The following SYCP2L variants were observed in gnomAD, a reference collection of about 807,000 sequenced individuals.
SYCP2L encodes the protein synaptonemal complex protein 2-like.
In SYCP2L, 98 loss-of-function variants were observed where a neutral mutation model predicts 125.8. The observed-to-expected ratio is 0.78, with a 90% CI of 0.66 to 0.92. The LOEUF (loss-of-function observed/expected upper bound fraction) is 0.92. SYCP2L is among the 40% of genes least tolerant of loss of function. The probability of loss-of-function intolerance (pLI) is 0.00; values close to 1 mark genes in which losing one functional copy is unlikely to be tolerated. For missense variants in SYCP2L, 842 were observed against 936.4 expected (o/e 0.90, Z 1.32); for synonymous variants, 317 against 325.4 (o/e 0.97, Z 0.28).
chr6:10,924,570 A>T lies in SYCP2L; in HGVS notation c.1147A>T (p.Ile383Leu). 2 of 1,606,214 alleles carry T rather than the reference A, an allele frequency of 1.2e-6. No homozygotes were observed. Among genetic ancestry groups the T allele is most frequent in the Non-Finnish European group, 1.7e-6 (2 of 1,178,034 alleles). ...MIISYKEVMKIEIHFDLQFNI... is the reference protein window; with the variant it reads ...MIISYKEVMKLEIHFDLQFNI... ...TATCAGCTACAAAGAAGTCATGAAA[A>T]TAGAAATCCATTTTGATTTGCAGTT... The change falls in exon 15 of 30, where the codon ATA becomes TTA. Residue 383 changes from isoleucine (I) to leucine (L), a missense_variant. By Grantham distance (5) the Ile-to-Leu change is conservative (BLOSUM62 2). Transcript: ENST00000283141.
chr6:10,968,875 G>A lies in SYCP2L; in HGVS notation c.*37+5032G>A, dbSNP rs536943484. Among the ~76,000 whole-genome samples, 4 of 152,314 alleles carry A rather than the reference G, an allele frequency of 2.6e-5. No individual in the cohort carries two copies. The South Asian group carries it at 8.3e-4, about 32-fold the overall frequency. Reference sequence around the variant, plus strand: ...GCTTATAGTTATCTCTGAGAGCCCTGTGTTCTGCTGAATGGTCCATCAGCT... The same window carrying A: ...GCTTATAGTTATCTCTGAGAGCCCTATGTTCTGCTGAATGGTCCATCAGCT... On this transcript the variant is annotated intron_variant, in intron 29 of 29. Transcript: ENST00000283141.
chr6:10,904,622 C>T (rs1044258375), intron 8 of SYCP2L, among the ~76,000 whole-genome samples: 2 of 152,188 alleles, frequency 1.3e-5, no homozygotes, highest in East Asian at 3.8e-4. Flanking sequence ...TTTGAACACA[C>T]TACCTTATTG....
chr6:10,914,619 C>G (rs1780659528), intron 14 of SYCP2L, among the ~76,000 whole-genome samples: 1 of 148,220 alleles, frequency 6.7e-6, no homozygotes. Flanking sequence ...ATTGATTTTA[C>G]CCATCCATGA....
chr6:10,905,273 A>T (rs1780466925), intron 8 of SYCP2L, among the ~76,000 whole-genome samples: 1 of 151,660 alleles, frequency 6.6e-6, no homozygotes, highest in African/African-American at 2.4e-5. Flanking sequence ...ATTCTATTAC[A>T]TCTCTAAATT....
intron 1 of SYCP2L, among the ~76,000 whole-genome samples, chr6:10,890,301 A>T (rs1236896711): frequency 6.6e-6 from 1 of 152,174 alleles, no homozygotes; most frequent in South Asian, 2.1e-4. Context: ...GTCTATACTA[A>T]TTTACATTCC....
At position 10,887,066 on chromosome 6, in the gene SYCP2L, G is replaced by C. The variant is rs546329116; in HGVS notation, c.-61G>C. The stretch of plus-strand genomic sequence containing the variant: ...GGCTCTTGGGCGGGGAAGCAGGAGA[G>C]GGCCGACCGAGCGCAACAAAGCTGA... On this transcript the variant is annotated 5_prime_UTR_variant, in exon 1 of 30. Coordinates refer to ENST00000283141, the MANE Select transcript of SYCP2L (RefSeq NM_001040274.3). 3 of 1,612,226 alleles carry C rather than the reference G, an allele frequency of 1.9e-6. No individual in the cohort carries two copies. The African/African-American group carries it at 4.0e-5, about 21-fold the overall frequency.
At chr6:10,889,149 TGC>T (rs1780134250) in intron 1 of SYCP2L, among the ~76,000 whole-genome samples, 1 of 152,152 alleles carries the variant, frequency 6.6e-6, no homozygotes, top group South Asian at 2.1e-4. Context: ...CGTGAGCCAC[TGC>T]GCCTGGCCTA....
rs956944953 is a variant in SYCP2L, at chr6:10,906,051, G to A, written c.673G>A (p.Gly225Ser). 6.3e-7 allele frequency: 1 copy of A among 1,594,786 alleles called. No individual in the cohort carries two copies. The highest frequency in any genetic ancestry group is 8.6e-7 in the Non-Finnish European group (1 of 1,164,538). ...KDLARTLLTVGDYDQQVAISE... is the reference protein window; with the variant it reads ...KDLARTLLTVSDYDQQVAISE... ...CCTTGCAAGGACACTCTTGACTGTGGGTGGTAAGAAATTTTAGAATTTTCA... is the reference window on the plus strand; with the variant it reads ...CCTTGCAAGGACACTCTTGACTGTGAGTGGTAAGAAATTTTAGAATTTTCA... Residue 225 changes from glycine (G) to serine (S), a missense_variant, in exon 9 of 30, where the codon GGT becomes AGT. Gly to Ser is a moderately conservative substitution (Grantham distance 56). Transcript: ENST00000283141.
In SYCP2L at chr6:10,924,586, A is replaced by C; in HGVS notation, c.1163A>C (p.Asp388Ala). ...GTCATGAAAATAGAAATCCATTTTG[A>C]TTTGCAGTTCAACATATCACAAGTT... ...KEVMKIEIHF[D>A]LQFNISQVSI... Residue 388 changes from aspartate to alanine, a missense_variant, in exon 15 of 30, where the codon GAT becomes GCT. Physicochemically the swap from Asp to Ala is moderately radical, Grantham distance 126 (BLOSUM62 -2). Transcript: ENST00000283141. 1 of 1,606,498 alleles carries C rather than the reference A, an allele frequency of 6.2e-7. No individual in the cohort carries two copies. Among genetic ancestry groups the C allele is most frequent in the Non-Finnish European group, 8.5e-7 (1 of 1,178,112 alleles).
At chr6:10,908,257 G>T (rs989133873) in intron 10 of SYCP2L, among the ~76,000 whole-genome samples, 1 of 152,222 alleles carries the variant, frequency 6.6e-6, no homozygotes, top group Non-Finnish European at 1.5e-5. Context: ...TCTTGGAAGG[G>T]TGAGCAATTT....
intron 15 of SYCP2L, among the ~76,000 whole-genome samples, 160 bp from the exon 16 acceptor site, chr6:10,926,179 C>T (rs12154143): frequency 0.043 from 6,600 of 152,212 alleles, 219 homozygotes; most frequent in Non-Finnish European, 0.069. Flanking sequence ...CCTGGAGAAG[C>T]CAGAAACAGT....
rs776483524 is a variant in SYCP2L at position 10,910,167 on chromosome 6, A to G, written c.839A>G (p.Asn280Ser). 4 of 1,613,722 alleles carry G rather than the reference A, an allele frequency of 2.5e-6. No homozygotes were observed. The highest frequency in any genetic ancestry group is 2.7e-5 in the African/African-American group (2 of 74,902). Residue 280 changes from asparagine to serine, a missense_variant, in exon 11 of 30, where the codon AAT becomes AGT. Transcript: ENST00000283141. ...TTGAAGGACAGTAGACGTTTTCTCA[A>G]TCACCTAAACAACAGACTTGGTGAC... ...EFETDSRRFLNHLNNRLGDQR... is the reference protein window; with the variant it reads ...EFETDSRRFLSHLNNRLGDQR...
At chr6:10,944,464 T>C (rs1018870489) in intron 23 of SYCP2L, among the ~76,000 whole-genome samples, 2 of 152,168 alleles carry the variant, frequency 1.3e-5, no homozygotes, top group African/African-American at 4.8e-5. Context: ...GGTCTGTACT[T>C]CTCTCTCTGT....
At chr6:10,942,062 C>T (rs1488252033) in intron 21 of SYCP2L, among the ~76,000 whole-genome samples, 1 of 135,416 alleles carries the variant, frequency 7.4e-6, no homozygotes, top group Non-Finnish European at 1.6e-5. Context: ...ATGAAAAACA[C>T]CACATGTTCT....
At chr6:10,926,573 A>T in intron 16 of SYCP2L, 141 bp downstream of exon 16, 1 of 618,550 alleles carries the variant, frequency 1.6e-6, no homozygotes, top group East Asian at 2.9e-5. Flanking sequence ...AGAGTTGCTG[A>T]TAGCCTTGAA....
At chr6:10,958,964 G>A (rs1005414394) in intron 26 of SYCP2L, 89 bp downstream of exon 26, 1 of 1,115,404 alleles carries the variant, frequency 9.0e-7, no homozygotes, top group African/African-American at 1.6e-5. Context: ...GGGCCCTGAG[G>A]AGTTGGGGCC....
intron 29 of SYCP2L, among the ~76,000 whole-genome samples, chr6:10,972,439 G>T (rs1781790025): frequency 6.6e-6 from 1 of 152,222 alleles, no homozygotes; most frequent in South Asian, 2.1e-4. Context: ...ACCAAATAGG[G>T]CTTTTACTTT....
intron 23 of SYCP2L, among the ~76,000 whole-genome samples, chr6:10,943,404 A>G (rs1325880341): frequency 6.6e-6 from 1 of 152,228 alleles, no homozygotes; most frequent in Non-Finnish European, 1.5e-5. Flanking sequence ...TTTTAGGAAT[A>G]TAACATTACT....
rs1000630775 is a variant in SYCP2L, at chr6:10,963,696, C to G, written c.2415-86C>G. ...TAATATAATGGTCTGTGAAATAACT[C>G]TGATATGCAGATGTATCTAGATGTA... is the stretch of plus-strand genomic sequence containing the variant. On this transcript the variant is annotated intron_variant, in intron 28 of 29. Coordinates refer to ENST00000283141, the MANE Select transcript of SYCP2L (RefSeq NM_001040274.3). 1.0e-5 allele frequency: 14 copies of G among 1,341,338 alleles called. No homozygotes were observed. The East Asian group carries it at 3.3e-4, about 31-fold the overall frequency. The allele number at this position is 1,341,338 out of a possible 1,614,324, so 83.1% of individuals were successfully genotyped here.
Sources: allele counts gnomAD v4.1 joint callset (sites outside exome capture counted in the v4.1 genomes callset), GRCh38; gene constraint gnomAD v4.1.1; transcripts MANE v1.5; gene names NCBI Gene and HGNC (gene_info 2026-07-23, HGNC 2026-07-21).